Variants in CHM observed in about 807,000 individuals in gnomAD.
CHM encodes the protein rab proteins geranylgeranyltransferase component A 1.
In CHM, 10 loss-of-function variants were observed where a neutral mutation model predicts 49.0. The observed-to-expected ratio is 0.20, with a 90% CI of 0.13 to 0.35. CHM has a LOEUF of 0.35. Ranked by LOEUF, CHM falls within the 10% of genes least tolerant of loss-of-function variation. The pLI, the probability that CHM is intolerant of heterozygous loss-of-function variation, is 1.00. For missense variants in CHM, 455 were observed against 478.4 expected (o/e 0.95, Z 0.46); for synonymous variants, 184 against 167.5 (o/e 1.10, Z -0.76).
chrX:85,880,155 C>T (rs1044306059), intron 12 of CHM, among the ~76,000 whole-genome samples: 4 of 110,972 alleles, frequency 3.6e-5, no homozygotes, highest in African/African-American at 1.3e-4. Context: ...AGTATATTTT[C>T]GGATGGTTCC....
intron 13 of CHM, among the ~76,000 whole-genome samples, chrX:85,876,924 A>ATTCACTTTTTAAT (rs1924455212): frequency 9.0e-6 from 1 of 111,459 alleles, no homozygotes; most frequent in Non-Finnish European, 1.9e-5. Context: ...GTGAAGAGTA[A>ATTCACTTTTTAAT]TGACATGATT....
intron 8 of CHM, among the ~76,000 whole-genome samples, chrX:85,913,363 A>AGAAAGAAG: frequency 1.1e-5 from 1 of 94,969 alleles, no homozygotes; most frequent in South Asian, 4.8e-4. Context: ...AAAGAAAGAA[A>AGAAAGAAG]GAAAGAAAGA....
chrX:85,978,685 A>C, intron 4 of CHM, 82 bp downstream of exon 4: 1 of 1,030,881 alleles, frequency 9.7e-7, no homozygotes, highest in Non-Finnish European at 1.3e-6. Flanking sequence ...CCAATGCCAC[A>C]TAAATCTTTA....
intron 8 of CHM, among the ~76,000 whole-genome samples, chrX:85,928,270 C>T (rs1005401364): frequency 1.1e-4 from 12 of 111,993 alleles, no homozygotes; most frequent in African/African-American, 2.9e-4. Context: ...GGGCCGGGCG[C>T]GGTGGCTCAG....
chrX:85,899,620 A>G (rs1221070150), intron 11 of CHM, among the ~76,000 whole-genome samples: 1 of 109,275 alleles, frequency 9.2e-6, no homozygotes, highest in Non-Finnish European at 1.9e-5. Flanking sequence ...ACACATTTAA[A>G]AAATATGACA....
intron 14 of CHM, among the ~76,000 whole-genome samples, chrX:85,867,313 C>T (rs569831588): frequency 4.5e-5 from 5 of 111,627 alleles, no homozygotes; most frequent in African/African-American, 1.6e-4. Flanking sequence ...TAAGACATGC[C>T]TTGCTTCCCC....
At chrX:85,952,011 T>G (rs1929776826) in intron 8 of CHM, among the ~76,000 whole-genome samples, 1 of 111,990 alleles carries the variant, frequency 8.9e-6, no homozygotes. Flanking sequence ...TGAGAGAACA[T>G]TTGGACCAGC....
chrX:85,916,492 G>C (rs761806489), intron 8 of CHM, among the ~76,000 whole-genome samples: 1 of 111,798 alleles, frequency 8.9e-6, no homozygotes, highest in Non-Finnish European at 1.9e-5. Flanking sequence ...CACAGCAAAA[G>C]AAACTATCAA....
rs979351098 is a variant in CHM, at chrX:86,014,979, TGA to T, written c.116+12510_116+12511del. ...CCAAAATGCTACATAACAAAAAACATGAGAGGGGTGGGCCTTGCATTGCTTGA... is the reference window on the plus strand; with the variant it reads ...CCAAAATGCTACATAACAAAAAACATGAGGGGTGGGCCTTGCATTGCTTGA... On this transcript the variant is annotated intron_variant, in intron 2 of 14. Transcript: ENST00000357749. Among the ~76,000 whole-genome samples, 15 of 111,524 alleles carry T rather than the reference TGA, an allele frequency of 1.3e-4. No individual in the cohort carries two copies. In the Admixed American group the frequency reaches 1.4e-3, roughly 11 times the overall value.
intron 1 of CHM, among the ~76,000 whole-genome samples, chrX:86,035,838 G>T (rs1244811899): frequency 2.8e-4 from 27 of 94,855 alleles, no homozygotes; most frequent in African/African-American, 1.1e-3. Flanking sequence ...CTGTTGCCCA[G>T]GCTGGAGTGC....
intron 1 of CHM, among the ~76,000 whole-genome samples, chrX:86,044,623 G>A (rs936258568): frequency 7.2e-5 from 8 of 111,638 alleles, no homozygotes; most frequent in South Asian, 3.8e-4. Flanking sequence ...AATGTTACTG[G>A]GACGACTTTT....
intron 8 of CHM, among the ~76,000 whole-genome samples, chrX:85,922,535 C>T (rs985860210): frequency 8.9e-6 from 1 of 112,512 alleles, no homozygotes; most frequent in Non-Finnish European, 1.9e-5. Context: ...CATGGACTTC[C>T]TATTGGCCTG....
chrX:85,870,860 G>A (rs1924006840), intron 14 of CHM, among the ~76,000 whole-genome samples: 1 of 111,569 alleles, frequency 9.0e-6, no homozygotes, highest in Admixed American at 9.5e-5. Flanking sequence ...ATTAAAGACA[G>A]ATCACTTTAT....
At chrX:86,012,194 G>A (rs763269292) in intron 2 of CHM, among the ~76,000 whole-genome samples, 35 of 111,642 alleles carry the variant, frequency 3.1e-4, no homozygotes, top group Non-Finnish European at 4.9e-4. Flanking sequence ...AACATTTCAG[G>A]GGGAAAAGGA....
chrX:85,884,337 G>A (rs1371885311), intron 12 of CHM, among the ~76,000 whole-genome samples: 1 of 110,945 alleles, frequency 9.0e-6, no homozygotes, highest in Non-Finnish European at 1.9e-5. Flanking sequence ...GGATAATCAT[G>A]ATTTCCTATC....
intron 2 of CHM, among the ~76,000 whole-genome samples, chrX:85,992,703 G>T (rs980923984): frequency 9.0e-6 from 1 of 111,730 alleles, no homozygotes; most frequent in Non-Finnish European, 1.9e-5. Flanking sequence ...GGAAGACCAG[G>T]ATCTTATTTG....
chrX:85,895,672 A>G (rs1925782829), intron 11 of CHM, among the ~76,000 whole-genome samples: 1 of 111,911 alleles, frequency 8.9e-6, no homozygotes, highest in Admixed American at 9.5e-5. Flanking sequence ...TTTGATAACC[A>G]TGACTATCCT....
rs1389773937 is a variant in CHM, at chrX:85,864,624, T to C, written c.*6A>G. 8.3e-7 allele frequency: 1 copy of C among 1,202,068 alleles called. No individual in the cohort carries two copies. ...AAAGTTGGGTATCCAGTTTGGTGTA[T>C]ATCCATTATTCAGAGGACTCCTCTA... On this transcript the variant is annotated 3_prime_UTR_variant, in exon 15 of 15. Coordinates refer to ENST00000357749, the MANE Select transcript of CHM (RefSeq NM_000390.4).
At chrX:86,041,726 GTATA>G (rs3078104) in intron 1 of CHM, among the ~76,000 whole-genome samples, 3,542 of 83,623 alleles carry the variant, frequency 0.042, 70 homozygotes, top group Admixed American at 0.057. Flanking sequence ...TGGTGTGTGT[GTATA>G]TATATATATA....
Sources: gnomAD v4.1 joint callset for allele counts (sites outside exome capture counted in the v4.1 genomes callset) on GRCh38, gnomAD v4.1.1 for gene constraint, MANE v1.5 for transcripts, NCBI Gene and HGNC (gene_info 2026-07-23, HGNC 2026-07-21) for gene names.